Variants in CAPN5 observed in about 807,000 individuals in gnomAD.
CAPN5 encodes calpain 5, also known as calpain-5.
Under a neutral mutation model 73.0 loss-of-function variants are expected in CAPN5, and 54 were observed. That is an observed-to-expected ratio of 0.74 (90% CI 0.59 to 0.93). CAPN5 has a LOEUF of 0.93. CAPN5 is among the 40% of genes least tolerant of loss of function. The pLI, the probability that CAPN5 is intolerant of heterozygous loss-of-function variation, is 0.00. For missense variants in CAPN5, 785 were observed against 882.9 expected (o/e 0.89, Z 1.41); for synonymous variants, 335 against 356.9 (o/e 0.94, Z 0.69).
intron 12 of CAPN5, 60 bp downstream of exon 12, chr11:77,122,772 G>A: frequency 1.9e-6 from 3 of 1,603,444 alleles, no homozygotes; most frequent in Non-Finnish European, 2.6e-6. Context: ...TCCCCACTCA[G>A]GGGGACAAGC....
chr11:77,103,167 G>A, intron 3 of CAPN5: 3 of 1,613,826 alleles, frequency 1.9e-6, no homozygotes, highest in Non-Finnish European at 2.5e-6. Context: ...CTGGCGCAAG[G>A]AGGACTCGGA....
At chr11:77,118,005 C>T (rs1448723298) in intron 7 of CAPN5, 152 bp from the exon 8 acceptor site, 14 of 645,326 alleles carry the variant, frequency 2.2e-5, no homozygotes, top group African/African-American at 2.0e-4. Flanking sequence ...AATGCCATGC[C>T]TGTGCCCTTG....
Position 77,122,474 on chromosome 11 carries a change from T to C in CAPN5, c.1604-102T>C. 1.4e-5 allele frequency: 14 copies of C among 1,019,146 alleles called. No individual in the cohort carries two copies. In the South Asian group the frequency reaches 1.8e-4, roughly 13 times the overall value. The allele number at this position is 1,019,146 out of a possible 1,614,324, so 63.1% of individuals were successfully genotyped here. ...GGTGGGTCAGGCTCCAGTCTCTCCATCTGAATAACTGAGCCGGGTGGGCAT... is the reference window on the plus strand; with the variant it reads ...GGTGGGTCAGGCTCCAGTCTCTCCACCTGAATAACTGAGCCGGGTGGGCAT... On this transcript the variant is annotated intron_variant, in intron 11 of 12. Transcript: ENST00000648180.
At position 77,119,042 on chromosome 11, in the gene CAPN5, G is replaced by GT. The variant is rs1555042243; in HGVS notation, c.1181dup (p.Lys395GlnfsTer6). On this transcript the variant is annotated frameshift_variant, in exon 9 of 13. Coordinates refer to ENST00000648180, the MANE Select transcript of CAPN5 (RefSeq NM_004055.5). LOFTEE classifies it high-confidence loss of function. ...GCCACACCTGCAGTACATCTTCGAA[G>GT]TCAAGAAGCCAGAAGATGAAGTCCT... 2 of 1,613,548 alleles carry GT rather than the reference G, an allele frequency of 1.2e-6. No individual in the cohort carries two copies. Among genetic ancestry groups the GT allele is most frequent in the Admixed American group, 3.3e-5 (2 of 59,984 alleles).
intron 9 of CAPN5, 50 bp from the exon 10 acceptor site, chr11:77,120,663 G>GTGTT (rs1555042590): frequency 7.5e-7 from 1 of 1,342,036 alleles, no homozygotes; most frequent in Admixed American, 1.8e-5. Context: ...GTGGGCCAGG[G>GTGTT]TGTTGTAGGG....
At chr11:77,088,187 AG>A (rs1950110723) in intron 2 of CAPN5, 3 of 790,750 alleles carry the variant, frequency 3.8e-6, no homozygotes, top group Non-Finnish European at 3.7e-6. Context: ...GGGGTGGGGG[AG>A]GGGGACTAAT....
intron 1 of CAPN5, among the ~76,000 whole-genome samples, chr11:77,077,512 A>AT (rs112674340): frequency 0.15 from 21,920 of 151,106 alleles, 3,087 homozygotes; most frequent in African/African-American, 0.37. Flanking sequence ...ATGATTAGTG[A>AT]TGTTGAGCTT....
chr11:77,077,634 A>G (rs1336882863), intron 1 of CAPN5, among the ~76,000 whole-genome samples: 1 of 151,380 alleles, frequency 6.6e-6, no homozygotes, highest in Non-Finnish European at 1.5e-5. Flanking sequence ...GGTTCAAGCG[A>G]TTCTTCTGCC....
intron 5 of CAPN5, among the ~76,000 whole-genome samples, 182 bp downstream of exon 5, chr11:77,114,616 C>A (rs1950448149): frequency 6.6e-6 from 1 of 152,172 alleles, no homozygotes; most frequent in Admixed American, 6.5e-5. Flanking sequence ...CTGTGAAAAG[C>A]CTTTCCCGCA....
rs781864951 is a variant in CAPN5, at chr11:77,123,884, A to C, written c.*14A>C. 4 of 1,609,614 alleles carry C rather than the reference A, an allele frequency of 2.5e-6. No homozygotes were observed. In the African/African-American group the frequency reaches 4.0e-5, roughly 16 times the overall value. Reference sequence around the variant, plus strand: ...ATGGCTGTCTGACACCTGCCCACCTACCTGGCTCTGACCGTTCCCACCACC... The same window carrying C: ...ATGGCTGTCTGACACCTGCCCACCTCCCTGGCTCTGACCGTTCCCACCACC... On this transcript the variant is annotated 3_prime_UTR_variant, in exon 13 of 13. Coordinates refer to ENST00000648180, the MANE Select transcript of CAPN5 (RefSeq NM_004055.5).
intron 6 of CAPN5, among the ~76,000 whole-genome samples, 194 bp from the exon 7 acceptor site, chr11:77,116,032 G>T (rs1236600622): frequency 6.6e-6 from 1 of 152,090 alleles, no homozygotes; most frequent in East Asian, 1.9e-4. Flanking sequence ...GGCAGCTCAC[G>T]GTCCCTTGTG....
intron 3 of CAPN5, among the ~76,000 whole-genome samples, chr11:77,102,146 A>G (rs1046167616): frequency 2.6e-5 from 4 of 152,176 alleles, no homozygotes; most frequent in African/African-American, 4.8e-5. Flanking sequence ...TTAAGTCCTG[A>G]GAGTGAGTCT....
In CAPN5 at chr11:77,115,321, C is replaced by T; in HGVS notation, c.700-74C>T. Reference sequence around the variant, plus strand: ...CTGTAGGTCCCGTGCAGCCTCCTAGCCCTCCAGCACCTGAGTCCCTGGTCT... The same window carrying T: ...CTGTAGGTCCCGTGCAGCCTCCTAGTCCTCCAGCACCTGAGTCCCTGGTCT... On this transcript the variant is annotated intron_variant, in intron 5 of 12. Transcript: ENST00000648180. 3 of 1,266,462 alleles carry T rather than the reference C, an allele frequency of 2.4e-6. No homozygotes were observed. The Admixed American group carries it at 6.3e-5, about 27-fold the overall frequency. The allele number at this position is 1,266,462 out of a possible 1,614,324, so 78.5% of individuals were successfully genotyped here.
At position 77,123,798 on chromosome 11, in the gene CAPN5, C is replaced by G; in HGVS notation, c.1851C>G (p.Ser617Arg). Residue 617 changes from serine to arginine, a missense_variant, in exon 13 of 13, where the codon AGC becomes AGG. Ser to Arg is a moderately radical substitution (Grantham distance 110, BLOSUM62 -1). Transcript: ENST00000648180. ...LHTLHLRDRN[S>R]RQPSNLPGTV... ...CCCTCCACCTCCGGGACCGAAATAG[C>G]CGGCAGCCCAGCAACCTGCCAGGCA... is the stretch of plus-strand genomic sequence containing the variant. The G allele has an allele frequency of 1.2e-6, 2 of 1,613,974 alleles. No homozygotes were observed. Among genetic ancestry groups the G allele is most frequent in the Non-Finnish European group, 1.7e-6 (2 of 1,180,014 alleles).
rs782820207 is a variant in CAPN5, at chr11:77,112,583, A to G, written c.298-6A>G. 1 of 1,589,174 alleles carries G rather than the reference A, an allele frequency of 6.3e-7. No individual in the cohort carries two copies. Among genetic ancestry groups the G allele is most frequent in the Non-Finnish European group, 8.6e-7 (1 of 1,166,090 alleles). ...CCCCCATCCTATCCCCCCTCCCCCT[A>G]CCCAGGTCATCCCAGACTGGAAGGA... On this transcript the variant is annotated splice_region_variant and splice_polypyrimidine_tract_variant and intron_variant, in intron 3 of 12. Coordinates refer to ENST00000648180, the MANE Select transcript of CAPN5 (RefSeq NM_004055.5).
rs940476355 is a variant in CAPN5 at position 77,104,434 on chromosome 11, G to A, written c.298-8155G>A. ...GGGGGGCAGGGCGAAGGCGTGGTGG[G>A]CAGTTACGACGGCTGATAGTCCCAA... On this transcript the variant is annotated intron_variant, in intron 3 of 12. Coordinates refer to ENST00000648180, the MANE Select transcript of CAPN5 (RefSeq NM_004055.5). Among the ~76,000 whole-genome samples the A allele has an allele frequency of 3.3e-5, 5 of 152,312 alleles. No individual in the cohort carries two copies. The East Asian group carries it at 9.6e-4, about 29-fold the overall frequency.
intron 3 of CAPN5, chr11:77,103,069 A>G: frequency 6.2e-7 from 1 of 1,613,826 alleles, no homozygotes; most frequent in South Asian, 1.1e-5. Flanking sequence ...AAGCCGGGCA[A>G]GGTCACCATC....
intron 2 of CAPN5, among the ~76,000 whole-genome samples, chr11:77,087,727 C>G (rs1950103563): frequency 6.6e-6 from 1 of 152,122 alleles, no homozygotes; most frequent in African/African-American, 2.4e-5. Context: ...GTGTCATACA[C>G]ATGGGAGGCA....
At chr11:77,098,047 C>G (rs201627107) in intron 3 of CAPN5, among the ~76,000 whole-genome samples, 6 of 89,900 alleles carry the variant, frequency 6.7e-5, no homozygotes, top group Admixed American at 9.4e-5. Flanking sequence ...GTAGGGGCGG[C>G]CGGGCAGAGG....
Sources: gnomAD v4.1 joint callset for allele counts (sites outside exome capture counted in the v4.1 genomes callset) on GRCh38, gnomAD v4.1.1 for gene constraint, MANE v1.5 for transcripts, NCBI Gene and HGNC (gene_info 2026-07-23, HGNC 2026-07-21) for gene names.